Variants in CERS6 observed in about 807,000 individuals in gnomAD.
CERS6 encodes ceramide synthase 6.
Under a neutral mutation model 56.8 loss-of-function variants are expected in CERS6, and 26 were observed. That is an observed-to-expected ratio of 0.46 (90% CI 0.34 to 0.63). The LOEUF is 0.63. Among genes scored for constraint, CERS6 ranks in the 30% least tolerant of loss-of-function variants. The pLI, the probability that CERS6 is intolerant of heterozygous loss-of-function variation, is 0.01. For missense variants in CERS6, 415 were observed against 467.5 expected (o/e 0.89, Z 1.04); for synonymous variants, 164 against 173.3 (o/e 0.95, Z 0.42).
intron 1 of CERS6, among the ~76,000 whole-genome samples, chr2:168,536,467 A>C (rs992666930): frequency 9.9e-5 from 15 of 151,940 alleles, no homozygotes; most frequent in African/African-American, 3.4e-4. Flanking sequence ...TTTGTCACAC[A>C]CACAGTGAGA....
intron 4 of CERS6, among the ~76,000 whole-genome samples, chr2:168,647,217 C>T (rs1685225711): frequency 6.6e-6 from 1 of 151,882 alleles, no homozygotes; most frequent in Admixed American, 6.6e-5. Flanking sequence ...GCAATGTTTT[C>T]TAATTATGAT....
chr2:168,671,025 A>G (rs936936479), intron 4 of CERS6, among the ~76,000 whole-genome samples: 4 of 132,824 alleles, frequency 3.0e-5, no homozygotes, highest in Non-Finnish European at 4.7e-5. Context: ...CAGTGGCACA[A>G]TCTCAGCTCA....
intron 3 of CERS6, among the ~76,000 whole-genome samples, chr2:168,568,282 A>G (rs536648319): frequency 1.1e-4 from 17 of 152,338 alleles, no homozygotes; most frequent in Admixed American, 1.0e-3. Context: ...ATGGAATTGG[A>G]TGGTAATAAA....
At chr2:168,524,119 T>C (rs1373225121) in intron 1 of CERS6, among the ~76,000 whole-genome samples, 2 of 152,212 alleles carry the variant, frequency 1.3e-5, no homozygotes, top group Non-Finnish European at 2.9e-5. Flanking sequence ...TTCGTGTGTG[T>C]GTCTGACATC....
At chr2:168,568,562 A>G (rs1227088704) in intron 3 of CERS6, among the ~76,000 whole-genome samples, 1 of 122,810 alleles carries the variant, frequency 8.1e-6, no homozygotes, top group Non-Finnish European at 1.8e-5. Flanking sequence ...TTTATCATTT[A>G]CTGCTTATAC....
chr2:168,499,836 C>T lies in CERS6; in HGVS notation c.170+43218C>T, dbSNP rs143738465. 6.1e-3 allele frequency among the ~76,000 whole-genome samples: 927 copies of T among 152,194 alleles called. 8 individuals are homozygous for T. Among genetic ancestry groups the T allele is most frequent in the African/African-American group, 0.02 (836 of 41,520 alleles). Reference sequence around the variant, plus strand: ...ACCCCGTAACCGGGAACTGCTATACCCAAAAAGGCTCTGCCACCAGGTGTT... The same window carrying T: ...ACCCCGTAACCGGGAACTGCTATACTCAAAAAGGCTCTGCCACCAGGTGTT... On this transcript the variant is annotated intron_variant, in intron 1 of 9. Transcript: ENST00000305747.
intron 1 of CERS6, among the ~76,000 whole-genome samples, chr2:168,518,762 A>C (rs1342590622): frequency 6.6e-6 from 1 of 152,148 alleles, no homozygotes; most frequent in Admixed American, 6.5e-5. Context: ...ATACTGACAC[A>C]TTGAAAATGG....
chr2:168,630,234 A>T (rs563402912), intron 3 of CERS6, among the ~76,000 whole-genome samples: 129 of 152,080 alleles, frequency 8.5e-4, no homozygotes, highest in African/African-American at 2.9e-3. Context: ...GTAGCTATTC[A>T]TACTCGGAAG....
In CERS6 at chr2:168,456,528, C is replaced by G; in HGVS notation, c.80C>G (p.Thr27Arg). Residue 27 changes from threonine (T) to arginine (R), a missense_variant, in exon 1 of 10, where the codon ACG (threonine) becomes AGG (arginine). Transcript: ENST00000305747. This position sits in a 1 kb window ranked among gnomAD's most constrained non-coding sequence, Gnocchi z 4.1. ...HNVTWADLKN[T>R]EEATFPQAED... ...GTCACCTGGGCGGACCTGAAGAACA[C>G]GGAGGAGGCCACCTTCCCGCAGGCT... 1 of 1,614,020 alleles carries G rather than the reference C, an allele frequency of 6.2e-7. No individual in the cohort carries two copies. Among genetic ancestry groups the G allele is most frequent in the Non-Finnish European group, 8.5e-7 (1 of 1,179,896 alleles).
chr2:168,458,352 CTA>C (rs1156556177), intron 1 of CERS6, among the ~76,000 whole-genome samples: 5 of 152,190 alleles, frequency 3.3e-5, no homozygotes, highest in African/African-American at 9.7e-5. Flanking sequence ...TCCTCCTTCT[CTA>C]TGCTGATTCC....
chr2:168,684,723 T>C (rs558862953), intron 4 of CERS6, among the ~76,000 whole-genome samples: 2 of 152,110 alleles, frequency 1.3e-5, no homozygotes, highest in Non-Finnish European at 2.9e-5. Flanking sequence ...AAAACCAGGG[T>C]GGAAAAGTAT....
At chr2:168,619,513 A>G (rs551247269) in intron 3 of CERS6, among the ~76,000 whole-genome samples, 273 of 152,280 alleles carry the variant, frequency 1.8e-3, no homozygotes, top group African/African-American at 6.3e-3. Context: ...CAGCAAGAAA[A>G]AAAAATCAAA....
chr2:168,626,281 G>T (rs1379352178), intron 3 of CERS6, among the ~76,000 whole-genome samples: 1 of 152,094 alleles, frequency 6.6e-6, no homozygotes, highest in Admixed American at 6.6e-5. Context: ...TAAATCAAAC[G>T]GCCCTCGTAT....
intron 1 of CERS6, among the ~76,000 whole-genome samples, chr2:168,520,811 T>C (rs912939437): frequency 1.3e-5 from 2 of 151,830 alleles, no homozygotes; most frequent in Admixed American, 6.6e-5. Context: ...GGTTTCACCA[T>C]GTTGGCCAGG....
chr2:168,477,782 T>C (rs1666151135), intron 1 of CERS6, among the ~76,000 whole-genome samples: 2 of 152,236 alleles, frequency 1.3e-5, no homozygotes, highest in African/African-American at 4.8e-5. Flanking sequence ...AACAGTATGA[T>C]TGAACTTGCA....
chr2:168,529,298 G>A (rs1395093231), intron 1 of CERS6, among the ~76,000 whole-genome samples: 2 of 152,168 alleles, frequency 1.3e-5, no homozygotes, highest in Non-Finnish European at 2.9e-5. Flanking sequence ...TTCTTCTGGG[G>A]GGAGTTTTAG....
At chr2:168,737,023 C>G (rs529123121) in intron 8 of CERS6, among the ~76,000 whole-genome samples, 8 of 152,206 alleles carry the variant, frequency 5.3e-5, no homozygotes, top group Non-Finnish European at 1.0e-4. Flanking sequence ...GGTGGCTGTA[C>G]CATCTCTTTC....
chr2:168,662,947 G>A (rs1463095588), intron 4 of CERS6, among the ~76,000 whole-genome samples: 1 of 152,156 alleles, frequency 6.6e-6, no homozygotes, highest in African/African-American at 2.4e-5. Context: ...ATCAAAACAA[G>A]GCTGAAGATT....
chr2:168,679,571 G>C (rs554959726), intron 4 of CERS6, among the ~76,000 whole-genome samples: 2 of 152,146 alleles, frequency 1.3e-5, no homozygotes, highest in African/African-American at 4.8e-5. Flanking sequence ...TCGTAATCTC[G>C]CTCTGTGTGA....
Sources: gnomAD v4.1 joint callset for allele counts (sites outside exome capture counted in the v4.1 genomes callset) on GRCh38, gnomAD v4.1.1 for gene constraint, Gnocchi (gnomAD v3.1) non-coding constraint, MANE v1.5 for transcripts, NCBI Gene and HGNC (gene_info 2026-07-23, HGNC 2026-07-21) for gene names.